NT5C2: variants seen among roughly 807,000 people sequenced by gnomAD.
The protein encoded by NT5C2 is 5'-nucleotidase, cytosolic II, also known as cytosolic purine 5'-nucleotidase.
Under a neutral mutation model 76.1 loss-of-function variants are expected in NT5C2, and 58 were observed. The ratio of observed to expected loss-of-function variants is 0.76; its 90% CI spans 0.62 to 0.95. The LOEUF (loss-of-function observed/expected upper bound fraction) is 0.95. Among genes scored for constraint, NT5C2 ranks in the 40% least tolerant of loss-of-function variants. The pLI is 0.00. For synonymous variants in NT5C2, 229 were observed against 237.4 expected (o/e 0.96, Z 0.32); for missense variants, 478 against 690.3 (o/e 0.69, Z 3.45).
chr10:103,097,143 C>CTGTA (rs2068406588), intron 11 of NT5C2, 148 bp downstream of exon 11: 1 of 535,242 alleles, frequency 1.9e-6, no homozygotes, highest in South Asian at 3.2e-5. Flanking sequence ...CACTGTTATC[C>CTGTA]TGTATATTTT....
intron 4 of NT5C2, among the ~76,000 whole-genome samples, chr10:103,130,148 T>C (rs1249238781): frequency 6.6e-6 from 1 of 151,740 alleles, no homozygotes; most frequent in African/African-American, 2.4e-5. Flanking sequence ...AGAAATCGGA[T>C]GGTTACCGTG....
At chr10:103,159,020 T>C (rs1016767233) in intron 3 of NT5C2, among the ~76,000 whole-genome samples, 6 of 151,952 alleles carry the variant, frequency 3.9e-5, no homozygotes, top group Middle Eastern at 3.4e-3. Context: ...CAAAAAGAAA[T>C]AGAAAATCTA....
intron 3 of NT5C2, among the ~76,000 whole-genome samples, chr10:103,140,510 T>G (rs1422382595): frequency 1.3e-5 from 2 of 152,126 alleles, no homozygotes; most frequent in Admixed American, 1.3e-4. Flanking sequence ...AACATGGGAG[T>G]GCAGGTATCT....
intron 4 of NT5C2, among the ~76,000 whole-genome samples, chr10:103,138,614 T>G (rs903933660): frequency 6.6e-6 from 1 of 152,204 alleles, no homozygotes; most frequent in Admixed American, 6.5e-5. Flanking sequence ...CACAAACTCA[T>G]TCCTTTATGT....
chr10:103,145,998 T>C, intron 3 of NT5C2: 7 of 930,722 alleles, frequency 7.5e-6, no homozygotes, highest in Non-Finnish European at 9.0e-6. Context: ...GCAATCTTAA[T>C]GGCTTTAACT....
chr10:103,192,390 G>T (rs2092703421), intron 1 of NT5C2, among the ~76,000 whole-genome samples: 1 of 152,158 alleles, frequency 6.6e-6, no homozygotes. Flanking sequence ...ACGTCGATTC[G>T]GACAGCAGCC....
At chr10:103,140,808 C>A (rs1007403012) in intron 3 of NT5C2, among the ~76,000 whole-genome samples, 5 of 152,318 alleles carry the variant, frequency 3.3e-5, no homozygotes, top group African/African-American at 1.2e-4. Context: ...TTTTCAAATA[C>A]CTGTTAGCCA....
intron 6 of NT5C2, among the ~76,000 whole-genome samples, chr10:103,104,102 T>TC (rs1476396588): frequency 1.3e-5 from 2 of 152,268 alleles, no homozygotes; most frequent in Non-Finnish European, 2.9e-5. Context: ...TGCCTTGTCC[T>TC]CCCAAAGTGC....
intron 1 of NT5C2, among the ~76,000 whole-genome samples, chr10:103,183,211 C>T (rs768853355): frequency 7.0e-5 from 10 of 143,862 alleles, no homozygotes; most frequent in Non-Finnish European, 1.2e-4. Flanking sequence ...AACCTTTACT[C>T]CTTATCATCA....
chr10:103,094,123 CACCA>C, intron 13 of NT5C2, 85 bp from the exon 14 acceptor site: 6 of 1,051,276 alleles, frequency 5.7e-6, no homozygotes, highest in Middle Eastern at 2.1e-4. Flanking sequence ...TCCCACCCCC[CACCA>C]CCAGTGCTAC....
intron 4 of NT5C2, among the ~76,000 whole-genome samples, chr10:103,107,673 A>T (rs890780738): frequency 2.0e-5 from 3 of 147,604 alleles, no homozygotes; most frequent in African/African-American, 7.4e-5. Flanking sequence ...ACTCTGTCTA[A>T]AAAAAAAAAA....
At chr10:103,187,833 T>C (rs1207160932) in intron 1 of NT5C2, among the ~76,000 whole-genome samples, 1 of 152,124 alleles carries the variant, frequency 6.6e-6, no homozygotes, top group Admixed American at 6.6e-5. Context: ...GTCAAATACA[T>C]GTACTACTCA....
rs566498311 is a variant in NT5C2, at chr10:103,159,662, A to G, written c.101+15196T>C. On this transcript the variant is annotated intron_variant, in intron 3 of 18. Coordinates refer to ENST00000404739, the MANE Select transcript of NT5C2 (RefSeq NM_001351169.2). ...AGACCCTGTCTCTTTAAAAAAAAAAAAAAGAAAGAAAAGAAAATACTTAGG... is the reference window on the plus strand; with the variant it reads ...AGACCCTGTCTCTTTAAAAAAAAAAGAAAGAAAGAAAAGAAAATACTTAGG... Among the ~76,000 whole-genome samples, 30 of 151,952 alleles carry G rather than the reference A, an allele frequency of 2.0e-4. No homozygotes were observed. In the South Asian group the frequency reaches 5.8e-3, roughly 29 times the overall value.
chr10:103,130,364 G>T (rs898196486), intron 4 of NT5C2, among the ~76,000 whole-genome samples: 1 of 151,738 alleles, frequency 6.6e-6, no homozygotes, highest in Non-Finnish European at 1.5e-5. Context: ...CAGCATGCTC[G>T]TTAAGAGTCA....
rs539342697 is a variant in NT5C2 at position 103,186,646 on chromosome 10, G to A, written c.-168-5318C>T. Among the ~76,000 whole-genome samples, 333 of 152,316 alleles carry A rather than the reference G, an allele frequency of 2.2e-3. 3 individuals carry two copies. The highest frequency in any genetic ancestry group is 3.7e-3 in the Non-Finnish European group (255 of 68,016). On this transcript the variant is annotated intron_variant, in intron 1 of 18. Transcript: ENST00000404739. ...ATGGCATTTACTGGCTGGGTGCGGT[G>A]GCTCATGCCTGTAATCCCAGCACTT...
At chr10:103,142,048 T>A (rs1313394776) in intron 3 of NT5C2, among the ~76,000 whole-genome samples, 1 of 151,968 alleles carries the variant, frequency 6.6e-6, no homozygotes, top group Non-Finnish European at 1.5e-5. Context: ...AAAGAAAAGG[T>A]TTACAGTAAA....
intron 4 of NT5C2, among the ~76,000 whole-genome samples, chr10:103,108,158 GA>G (rs2071891574): frequency 6.6e-6 from 1 of 151,056 alleles, no homozygotes; most frequent in Non-Finnish European, 1.5e-5. Context: ...GTCTCAAAAA[GA>G]AAAAAAAGAA....
intron 6 of NT5C2, among the ~76,000 whole-genome samples, chr10:103,102,208 A>T (rs1019715402): frequency 6.6e-6 from 1 of 152,114 alleles, no homozygotes; most frequent in Non-Finnish European, 1.5e-5. Context: ...CTATCCTTGA[A>T]TATAGGCTTG....
At chr10:103,153,657 C>T in intron 3 of NT5C2, 1 of 985,348 alleles carries the variant, frequency 1.0e-6, no homozygotes, top group Middle Eastern at 5.2e-4. Flanking sequence ...AGCAAATTTA[C>T]CCCCTAATGA....
Sources: allele counts gnomAD v4.1 joint callset (sites outside exome capture counted in the v4.1 genomes callset), GRCh38; gene constraint gnomAD v4.1.1; transcripts MANE v1.5; gene names NCBI Gene and HGNC (gene_info 2026-07-23, HGNC 2026-07-21).